ZNF487: variants seen among roughly 807,000 people sequenced by gnomAD.
ZNF487 encodes the protein zinc finger protein 487.
Under a neutral mutation model 3.0 loss-of-function variants are expected in ZNF487, and 4 were observed. The ratio of observed to expected loss-of-function variants is 1.35; its 90% confidence interval spans 0.66 to 3.08. ZNF487 has a LOEUF of 3.08. ZNF487 is among the 30% of genes most tolerant of loss of function. ZNF487 has a pLI of 0.01. For synonymous variants in ZNF487, 55 were observed against 34.6 expected (o/e 1.59, Z -2.06); for missense variants, 146 against 98.7 (o/e 1.48, Z -2.03).
At chr10:43,459,584 A>T (rs1160000441) in intron 1 of ZNF487, among the ~76,000 whole-genome samples, 1 of 151,764 alleles carries the variant, frequency 6.6e-6, no homozygotes, top group Non-Finnish European at 1.5e-5. Context: ...TTAAAAAAAA[A>T]TTTTTAAGTC....
At chr10:43,470,779 A>G (rs995358020) in intron 1 of ZNF487, among the ~76,000 whole-genome samples, 4 of 152,060 alleles carry the variant, frequency 2.6e-5, no homozygotes, top group Non-Finnish European at 5.9e-5. Flanking sequence ...TTGACCTCCC[A>G]AAGTGTTGGG....
intron 1 of ZNF487, among the ~76,000 whole-genome samples, chr10:43,446,957 C>T (rs370113867): frequency 2.0e-5 from 3 of 152,104 alleles, no homozygotes; most frequent in East Asian, 1.9e-4. Context: ...CTCAGGAGGC[C>T]GAGGCAGGCA....
chr10:43,441,796 AG>A (rs1203253165), intron 1 of ZNF487, among the ~76,000 whole-genome samples: 1 of 152,092 alleles, frequency 6.6e-6, no homozygotes, highest in Non-Finnish European at 1.5e-5. Flanking sequence ...CATGTTGGCC[AG>A]GCATGTCTTG....
the ZNF487 span, among the ~76,000 whole-genome samples, chr10:43,489,971 A>G: frequency 6.6e-6 from 1 of 152,224 alleles, no homozygotes; most frequent in African/African-American, 2.4e-5. Flanking sequence ...GATGTTGCCA[A>G]ATTGGATTTT....
the ZNF487 span, among the ~76,000 whole-genome samples, chr10:43,490,606 T>A: frequency 4.9e-5 from 7 of 141,820 alleles, no homozygotes; most frequent in Non-Finnish European, 9.1e-5. Context: ...ACCTTCTGGG[T>A]TCAAGCTGTT....
downstream of ZNF487, among the ~76,000 whole-genome samples, chr10:43,488,165 A>G (rs1026916413): frequency 4.6e-5 from 7 of 151,912 alleles, no homozygotes; most frequent in South Asian, 2.1e-4. Flanking sequence ...AAATAGATAA[A>G]TTACTTATGA....
downstream of ZNF487, chr10:43,483,270 C>T (rs925144923): frequency 1.3e-5 from 5 of 372,154 alleles, no homozygotes; most frequent in African/African-American, 4.2e-5. Context: ...GACAGAGTTT[C>T]GCTCTTATTG....
intron 1 of ZNF487, among the ~76,000 whole-genome samples, chr10:43,459,514 G>C (rs1183008626): frequency 6.6e-6 from 1 of 152,102 alleles, no homozygotes; most frequent in Non-Finnish European, 1.5e-5. Context: ...ACAGGCGTGA[G>C]CCACTGCACC....
chr10:43,486,526 C>G (rs74822420), downstream of ZNF487, among the ~76,000 whole-genome samples: 1 of 122,136 alleles, frequency 8.2e-6, no homozygotes, highest in African/African-American at 3.1e-5. Flanking sequence ...AACTCCTTCT[C>G]AAAAAAAAAA....
chr10:43,521,579 G>T, the ZNF487 span, among the ~76,000 whole-genome samples: 1 of 152,174 alleles, frequency 6.6e-6, no homozygotes, highest in South Asian at 2.1e-4. Flanking sequence ...GAATATGTGT[G>T]CTGGGTGACT....
At chr10:43,523,247 T>C in the ZNF487 span, 2 of 152,296 alleles carry the variant, frequency 1.3e-5, no homozygotes, top group African/African-American at 4.8e-5. Flanking sequence ...TCTAGAATTC[T>C]GGAAAGTTGA....
At chr10:43,510,236 A>G in the ZNF487 span, among the ~76,000 whole-genome samples, 1 of 152,192 alleles carries the variant, frequency 6.6e-6, no homozygotes, top group Non-Finnish European at 1.5e-5. Flanking sequence ...GGTATTGATG[A>G]CTACCTTCAT....
At chr10:43,490,411 TTTC>T in the ZNF487 span, among the ~76,000 whole-genome samples, 1 of 151,930 alleles carries the variant, frequency 6.6e-6, no homozygotes, top group South Asian at 2.1e-4. Context: ...TTTTCTCCCA[TTTC>T]TTCTTGTGAT....
intron 1 of ZNF487, among the ~76,000 whole-genome samples, chr10:43,459,030 A>G (rs991555707): frequency 5.9e-5 from 9 of 152,108 alleles, no homozygotes; most frequent in Non-Finnish European, 1.0e-4. Context: ...TCCAAATGTC[A>G]TGGATACTTT....
chr10:43,493,703 AAAAAAAATATATAT>A, the ZNF487 span, among the ~76,000 whole-genome samples: 61 of 86,354 alleles, frequency 7.1e-4, 1 homozygote, highest in African/African-American at 3.1e-3. Flanking sequence ...AAGAAAAAAA[AAAAAAAATATATAT>A]ATATATATAT....
intron 1 of ZNF487, among the ~76,000 whole-genome samples, chr10:43,470,230 G>A (rs375307533): frequency 6.6e-6 from 1 of 151,556 alleles, no homozygotes; most frequent in African/African-American, 2.4e-5. Context: ...TTTTGGTTGC[G>A]GGAACAGTGT....
chr10:43,469,468 C>A (rs1272643875), intron 1 of ZNF487, among the ~76,000 whole-genome samples: 1 of 152,074 alleles, frequency 6.6e-6, no homozygotes, highest in Non-Finnish European at 1.5e-5. Flanking sequence ...GCTGGGATTA[C>A]AGGCGTGAGC....
At chr10:43,495,537 C>T in the ZNF487 span, among the ~76,000 whole-genome samples, 1 of 152,154 alleles carries the variant, frequency 6.6e-6, no homozygotes, top group African/African-American at 2.4e-5. Context: ...AGCCACCGCA[C>T]CCAGCCCCAT....
rs772350193 is a variant in ZNF487, at chr10:43,482,628, G to A, written c.*706G>A. The A allele has an allele frequency of 1.0e-5, 5 of 497,604 alleles. No individual in the cohort carries two copies. The highest frequency in any genetic ancestry group is 7.4e-5 in the South Asian group (5 of 67,436). 30.8% of individuals were successfully genotyped at this position (497,604 alleles called of 1,614,324 possible). ...CTTTGGTGATAGGTCAGCTCTAAAA[G>A]TACATCAGAGAATACATACTGGCGA... is the stretch of plus-strand genomic sequence containing the variant. On this transcript the variant is annotated 3_prime_UTR_variant, in exon 4 of 4. Coordinates refer to ENST00000437590, the MANE Select transcript of ZNF487 (RefSeq NM_001355444.3).
Sources: allele counts gnomAD v4.1 joint callset (sites outside exome capture counted in the v4.1 genomes callset), GRCh38; gene constraint gnomAD v4.1.1; transcripts MANE v1.5; gene names NCBI Gene and HGNC (gene_info 2026-07-23, HGNC 2026-07-21).